Variants in PCDH15 observed in about 807,000 individuals in gnomAD.
The protein encoded by PCDH15 is protocadherin-15.
Under a neutral mutation model 178.5 loss-of-function variants are expected in PCDH15, and 129 were observed. The observed-to-expected ratio is 0.72, with a 90% CI of 0.63 to 0.84. The LOEUF is 0.84. Among genes scored for constraint, PCDH15 ranks in the 40% least tolerant of loss-of-function variants. The pLI is 0.00. For missense variants in PCDH15, 2,230 were observed against 2,099.9 expected (o/e 1.06, Z -1.21); for synonymous variants, 800 against 732.0 (o/e 1.09, Z -1.50).
intron 15 of PCDH15, among the ~76,000 whole-genome samples, chr10:54,117,149 G>A (rs2095128788): frequency 6.6e-6 from 1 of 152,152 alleles, no homozygotes; most frequent in Non-Finnish European, 1.5e-5. Flanking sequence ...TCCCACATCT[G>A]CCAAGTGTGA....
intron 2 of PCDH15, among the ~76,000 whole-genome samples, chr10:55,047,412 TC>T (rs35626548): frequency 1 from 151,948 of 151,948 alleles, 75,974 homozygotes; most frequent in Non-Finnish European, 1. Context: ...AAGACTTCAA[TC>T]TCATTCTGAA....
rs115342970 is a variant in PCDH15 at position 55,475,962 on chromosome 10, T to A, written c.-156+151663A>T. Among the ~76,000 whole-genome samples, 1,239 of 152,212 alleles carry A rather than the reference T, an allele frequency of 8.1e-3. 20 individuals carry two copies. Among genetic ancestry groups the A allele is most frequent in the African/African-American group, 0.028 (1,160 of 41,546 alleles). ...GCAATCAACTGCCAGTTGCACTATA[T>A]CTGAATAACAGTCATCTCAGGTGAA... On this transcript the variant is annotated intron_variant, in intron 2 of 5. Coordinates refer to the PCDH15 transcript ENST00000613346.
intron 2 of PCDH15, among the ~76,000 whole-genome samples, chr10:55,351,019 CCT>C (rs1293518082): frequency 9.9e-6 from 1 of 100,968 alleles, no homozygotes; most frequent in African/African-American, 3.9e-5. Flanking sequence ...TCCCTCTCTC[CCT>C]GCTTCCTCCC....
intron 2 of PCDH15, among the ~76,000 whole-genome samples, chr10:55,514,217 G>A (rs184493395): frequency 7.2e-4 from 110 of 152,216 alleles, no homozygotes; most frequent in African/African-American, 2.6e-3. Context: ...ATGTTACAAA[G>A]TCATTCAAGG....
intron 3 of PCDH15, among the ~76,000 whole-genome samples, chr10:54,514,242 A>C (rs1185914094): frequency 6.6e-6 from 1 of 152,112 alleles, no homozygotes; most frequent in Non-Finnish European, 1.5e-5. Flanking sequence ...TAATTGAAAA[A>C]CCCAGAAATA....
intron 2 of PCDH15, among the ~76,000 whole-genome samples, chr10:55,430,914 AT>A (rs1251774928): frequency 3.3e-5 from 5 of 152,168 alleles, no homozygotes; most frequent in African/African-American, 1.2e-4. Context: ...TCAAAATGTT[AT>A]TACTACAAAC....
rs779865834 is a variant in PCDH15, at chr10:55,091,939, GT to G, written c.-80+74636del. ...TCGGTGTGAGTGCATGCCAGAAACTGTGGGTAAAACCAAGATTTTGGTTTGC... is the reference window on the plus strand; with the variant it reads ...TCGGTGTGAGTGCATGCCAGAAACTGGGGTAAAACCAAGATTTTGGTTTGC... On this transcript the variant is annotated intron_variant, in intron 2 of 5. Coordinates refer to the PCDH15 transcript ENST00000458638. 1.8e-4 allele frequency among the ~76,000 whole-genome samples: 24 copies of G among 132,858 alleles called. No individual in the cohort carries two copies. The East Asian group carries it at 2.0e-3, about 11-fold the overall frequency. 87.2% of individuals were successfully genotyped at this position (132,858 alleles called of 152,430 possible).
intron 2 of PCDH15, among the ~76,000 whole-genome samples, chr10:55,367,424 T>C (rs1845392844): frequency 6.6e-6 from 1 of 151,650 alleles, no homozygotes; most frequent in Non-Finnish European, 1.5e-5. Context: ...CGCCACATAA[T>C]AAAAAAGTTA....
At chr10:54,748,832 G>A (rs2132937472) in intron 1 of PCDH15, among the ~76,000 whole-genome samples, 1 of 152,286 alleles carries the variant, frequency 6.6e-6, no homozygotes, top group South Asian at 2.1e-4. Context: ...TCTTTTAAAT[G>A]CTGTACTTGA....
intron 3 of PCDH15, among the ~76,000 whole-genome samples, chr10:54,523,079 G>A (rs1376470905): frequency 6.6e-6 from 1 of 152,144 alleles, no homozygotes; most frequent in African/African-American, 2.4e-5. Context: ...AGTTTCCAAT[G>A]TGTCCTGAGG....
chr10:54,386,100 TTGTGTGTGTGTG>T (rs60205554), intron 3 of PCDH15, among the ~76,000 whole-genome samples: 102 of 139,810 alleles, frequency 7.3e-4, no homozygotes, highest in African/African-American at 1.2e-3. Flanking sequence ...TAGTTATTAG[TTGTGTGTGTGTG>T]TGTGTGTGTG....
chr10:54,149,796 G>A (rs2044340108), intron 14 of PCDH15, among the ~76,000 whole-genome samples: 1 of 152,146 alleles, frequency 6.6e-6, no homozygotes, highest in South Asian at 2.1e-4. Flanking sequence ...GTAATTGGAA[G>A]AAGTTTTCAA....
intron 2 of PCDH15, among the ~76,000 whole-genome samples, chr10:54,554,135 C>T (rs1173448649): frequency 6.6e-6 from 1 of 151,858 alleles, no homozygotes; most frequent in African/African-American, 2.4e-5. Flanking sequence ...TGGCCTTTTC[C>T]CTACTTTTTA....
chr10:54,270,500 T>C (rs1279453205), intron 8 of PCDH15, among the ~76,000 whole-genome samples: 1 of 152,100 alleles, frequency 6.6e-6, no homozygotes, highest in South Asian at 2.1e-4. Flanking sequence ...ATGGGTAAGT[T>C]GGGGGTCAAA....
At chr10:53,886,124 T>G (rs1285100899) in intron 26 of PCDH15, among the ~76,000 whole-genome samples, 1 of 152,202 alleles carries the variant, frequency 6.6e-6, no homozygotes, top group Non-Finnish European at 1.5e-5. Flanking sequence ...CAGGTAACAA[T>G]GACTATTGAG....
At chr10:54,496,685 G>A (rs1478857469) in intron 3 of PCDH15, among the ~76,000 whole-genome samples, 1 of 152,054 alleles carries the variant, frequency 6.6e-6, no homozygotes, top group East Asian at 1.9e-4. Flanking sequence ...GCTCAACTCT[G>A]AACACTGCGA....
chr10:55,134,349 A>T (rs923720488), intron 2 of PCDH15, among the ~76,000 whole-genome samples: 5 of 152,200 alleles, frequency 3.3e-5, no homozygotes, highest in African/African-American at 1.2e-4. Context: ...TCAGTAAGAC[A>T]AATTAGTGAC....
rs922742823 is a variant in PCDH15, at chr10:55,135,605, C to CAA, written c.-80+30970_-80+30971insTT. On this transcript the variant is annotated intron_variant, in intron 2 of 5. Transcript: ENST00000458638. ...TTTTTTTTTTTTTTTTTTTTTGAGACAGAGTCTTGCTCTGTTGCTCAGGCT... is the reference window on the plus strand; with the variant it reads ...TTTTTTTTTTTTTTTTTTTTTGAGACAAAGAGTCTTGCTCTGTTGCTCAGGCT... Among the ~76,000 whole-genome samples the CAA allele has an allele frequency of 4.5e-5, 4 of 89,712 alleles. No homozygotes were observed. The East Asian group carries it at 1.5e-3, about 33-fold the overall frequency. 58.9% of individuals were successfully genotyped at this position (89,712 alleles called of 152,430 possible).
At chr10:54,331,989 G>T (rs932653649) in intron 6 of PCDH15, among the ~76,000 whole-genome samples, 8 of 151,400 alleles carry the variant, frequency 5.3e-5, no homozygotes, top group African/African-American at 1.7e-4. Context: ...TCAGGTTATA[G>T]AAGTTTCTGT....
Sources: gnomAD v4.1 joint callset for allele counts (sites outside exome capture counted in the v4.1 genomes callset) on GRCh38, gnomAD v4.1.1 for gene constraint, MANE v1.5 for transcripts, NCBI Gene and HGNC (gene_info 2026-07-23, HGNC 2026-07-21) for gene names.